Variants in IGF1R observed in about 807,000 individuals in gnomAD.
IGF1R encodes the protein insulin like growth factor 1 receptor, also known as insulin-like growth factor 1 receptor.
Under a neutral mutation model 144.6 loss-of-function variants are expected in IGF1R, and 44 were observed. The ratio of observed to expected loss-of-function variants is 0.30; its 90% CI spans 0.24 to 0.39. IGF1R has a LOEUF of 0.39. Ranked by LOEUF, IGF1R falls within the 10% of genes least tolerant of loss-of-function variation. The pLI is 1.00. For missense variants in IGF1R, 1,355 were observed against 1,833.7 expected (o/e 0.74, Z 4.77); for synonymous variants, 795 against 722.8 (o/e 1.10, Z -1.60).
At chr15:98,717,374 A>G (rs907813) in intron 2 of IGF1R, among the ~76,000 whole-genome samples, 146,292 of 152,180 alleles carry the variant, frequency 0.96, 70,461 homozygotes, top group Non-Finnish European at 0.98. Flanking sequence ...GTTGCATTCT[A>G]AGACCATCTA....
chr15:98,739,882 G>A (rs1420417336), intron 2 of IGF1R, among the ~76,000 whole-genome samples: 1 of 152,156 alleles, frequency 6.6e-6, no homozygotes, highest in South Asian at 2.1e-4. Flanking sequence ...CTGAGCCACC[G>A]CGCCTGGCCT....
intron 19 of IGF1R, among the ~76,000 whole-genome samples, chr15:98,948,190 A>C (rs977447868): frequency 2.0e-5 from 3 of 152,156 alleles, no homozygotes; most frequent in Non-Finnish European, 2.9e-5. Flanking sequence ...CAAGAATGTC[A>C]TTCTTTTTGG....
intron 2 of IGF1R, among the ~76,000 whole-genome samples, chr15:98,732,578 C>T (rs965019196): frequency 2.6e-5 from 4 of 151,868 alleles, no homozygotes; most frequent in African/African-American, 7.3e-5. Context: ...GGAAGGGGGT[C>T]GGAGGCCTTT....
intron 17 of IGF1R, among the ~76,000 whole-genome samples, chr15:98,938,605 T>C (rs2016247100): frequency 6.6e-6 from 1 of 152,214 alleles, no homozygotes; most frequent in Admixed American, 6.5e-5. Flanking sequence ...TTGTCTTCCG[T>C]AATGCCGACA....
At position 98,959,326 on chromosome 15, in the gene IGF1R, G is replaced by A. The variant is rs928470890; in HGVS notation, c.*1884G>A. ...ACGAAAAACAGCTGCTGAGTCCAAGGGAGCAGCAGAGCGTGGTCCGGCAGG... is the reference window on the plus strand; with the variant it reads ...ACGAAAAACAGCTGCTGAGTCCAAGAGAGCAGCAGAGCGTGGTCCGGCAGG... On this transcript the variant is annotated 3_prime_UTR_variant, in exon 21 of 21. Transcript: ENST00000650285. 2 of 233,578 alleles carry A rather than the reference G, an allele frequency of 8.6e-6. No individual in the cohort carries two copies. Among genetic ancestry groups the A allele is most frequent in the African/African-American group, 4.4e-5 (2 of 45,352 alleles). The allele number at this position is 233,578 out of a possible 1,614,324, so 14.5% of individuals were successfully genotyped here. A position where few individuals can be genotyped will look rare whatever the true frequency, so the allele number is the denominator to read the frequency against.
intron 2 of IGF1R, among the ~76,000 whole-genome samples, chr15:98,779,446 A>G (rs886891604): frequency 5.9e-5 from 9 of 152,226 alleles, no homozygotes; most frequent in African/African-American, 2.2e-4. Flanking sequence ...ATACTAATTC[A>G]TTTAATCCTC....
At chr15:98,893,844 A>G (rs529619631) in intron 3 of IGF1R, among the ~76,000 whole-genome samples, 1 of 152,314 alleles carries the variant, frequency 6.6e-6, no homozygotes, top group East Asian at 1.9e-4. Context: ...TTGTTTAAAA[A>G]TAAAACACCA....
At chr15:98,869,714 C>G (rs2012678456) in intron 2 of IGF1R, among the ~76,000 whole-genome samples, 1 of 152,188 alleles carries the variant, frequency 6.6e-6, no homozygotes, top group Non-Finnish European at 1.5e-5. Context: ...GGATTACAGG[C>G]ATGAACCACC....
At chr15:98,701,332 T>G (rs2053727288) in intron 1 of IGF1R, among the ~76,000 whole-genome samples, 1 of 94,842 alleles carries the variant, frequency 1.1e-5, no homozygotes, top group Non-Finnish European at 2.1e-5. Flanking sequence ...TCATTTTTTT[T>G]TTTTTTTTTT....
intron 1 of IGF1R, among the ~76,000 whole-genome samples, chr15:98,673,714 C>T (rs545504624): frequency 6.6e-6 from 1 of 152,268 alleles, no homozygotes; most frequent in South Asian, 2.1e-4. Flanking sequence ...GTGTAGTGCT[C>T]TTGGGAGCTG....
rs1265509246 is a variant in IGF1R at position 98,859,691 on chromosome 15, AAAAC to A, written c.641-31628_641-31625del. Reference sequence around the variant, plus strand: ...TTCCTTTTAATAAATATCACTTTAAAAAACAAACACACACATTCTTAAATGCATG... The same window carrying A: ...TTCCTTTTAATAAATATCACTTTAAAAAACACACACATTCTTAAATGCATG... On this transcript the variant is annotated intron_variant, in intron 2 of 20. Coordinates refer to ENST00000650285, the MANE Select transcript of IGF1R (RefSeq NM_000875.5). 5.2e-5 allele frequency among the ~76,000 whole-genome samples: 8 copies of A among 152,386 alleles called. 1 individual carries two copies. In the South Asian group the frequency reaches 1.4e-3, roughly 28 times the overall value.
At chr15:98,917,539 G>A (rs570117783) in intron 10 of IGF1R, among the ~76,000 whole-genome samples, 3 of 152,220 alleles carry the variant, frequency 2.0e-5, no homozygotes, top group South Asian at 2.1e-4. Context: ...GAAAGTAAAC[G>A]TTCATAGCAG....
chr15:98,661,367 G>T (rs537141190), intron 1 of IGF1R, among the ~76,000 whole-genome samples: 3 of 152,208 alleles, frequency 2.0e-5, no homozygotes, highest in African/African-American at 4.8e-5. Flanking sequence ...GTCTAGGTTG[G>T]TGTCAAGGGG....
chr15:98,788,056 CTCTCTCTG>C (rs57430567), intron 2 of IGF1R, among the ~76,000 whole-genome samples: 5,237 of 106,006 alleles, frequency 0.049, 142 homozygotes, highest in East Asian at 0.17. Flanking sequence ...CTCTCTCTCT[CTCTCTCTG>C]TGTGTGTGTG....
chr15:98,831,258 G>A (rs1370057728), intron 2 of IGF1R, among the ~76,000 whole-genome samples: 1 of 152,148 alleles, frequency 6.6e-6, no homozygotes, highest in East Asian at 1.9e-4. Context: ...CTGACCCTAG[G>A]ATTTCAACGT....
chr15:98,933,216 C>T (rs972470311), intron 15 of IGF1R, among the ~76,000 whole-genome samples: 2 of 152,154 alleles, frequency 1.3e-5, no homozygotes, highest in Non-Finnish European at 1.5e-5. Context: ...ATTTTATTTT[C>T]GTTTTTACCC....
At chr15:98,856,465 C>G (rs1224430186) in intron 2 of IGF1R, among the ~76,000 whole-genome samples, 3 of 152,218 alleles carry the variant, frequency 2.0e-5, no homozygotes, top group African/African-American at 7.2e-5. Flanking sequence ...ATGTAAAACA[C>G]TTAGCGTTGG....
At chr15:98,800,755 G>A (rs1317064944) in intron 2 of IGF1R, among the ~76,000 whole-genome samples, 2 of 152,126 alleles carry the variant, frequency 1.3e-5, no homozygotes, top group South Asian at 2.1e-4. Context: ...GGAAAACACC[G>A]GCACAAAACA....
At position 98,908,849 on chromosome 15, in the gene IGF1R, G is replaced by A. The variant is rs763660010; in HGVS notation, c.1412G>A (p.Arg471His). 37 of 1,613,942 alleles carry A rather than the reference G, an allele frequency of 2.3e-5. No homozygotes were observed. In the Admixed American group the frequency reaches 2.7e-4, roughly 12 times the overall value. ...RMEEVTGTKG[R>H]QSKGDINTRN... ...GAGGAAGTGACGGGGACTAAAGGGC[G>A]CCAAAGCAAAGGGGACATAAACACC... Residue 471 changes from arginine (R) to histidine (H), a missense_variant, in exon 6 of 21, where the codon CGC (arginine) becomes CAC (histidine). By Grantham distance (29) the Arg-to-His change is conservative. Coordinates refer to ENST00000650285, the MANE Select transcript of IGF1R (RefSeq NM_000875.5).
Sources: gnomAD v4.1 joint callset for allele counts (sites outside exome capture counted in the v4.1 genomes callset) on GRCh38, gnomAD v4.1.1 for gene constraint, MANE v1.5 for transcripts, NCBI Gene and HGNC (gene_info 2026-07-23, HGNC 2026-07-21) for gene names.